CCDC146: variants seen among roughly 807,000 people sequenced by gnomAD.
The protein encoded by CCDC146 is coiled-coil domain containing 146.
Under a neutral mutation model 119.3 loss-of-function variants are expected in CCDC146, and 92 were observed. That is an observed-to-expected ratio of 0.77 (90% CI 0.65 to 0.92). The LOEUF is 0.92. CCDC146 is among the 40% of genes least tolerant of loss of function. The pLI is 0.00. For synonymous variants in CCDC146, 372 were observed against 371.8 expected (o/e 1.00, Z -0.01); for missense variants, 1,000 against 1,103.0 (o/e 0.91, Z 1.32).
intron 9 of CCDC146, among the ~76,000 whole-genome samples, chr7:77,270,412 C>CTA (rs1282060322): frequency 3.3e-5 from 5 of 151,496 alleles, no homozygotes; most frequent in Admixed American, 3.3e-4. Flanking sequence ...ACTATAAAAA[C>CTA]TAAAAGAACT....
In CCDC146 at chr7:77,146,709, A is replaced by C. The variant is rs535894451; in HGVS notation, c.-11-20949A>C. On this transcript the variant is annotated intron_variant, in intron 1 of 18. Coordinates refer to ENST00000285871, the MANE Select transcript of CCDC146 (RefSeq NM_020879.3). ...GATATGAAATTCTGGGTTGAAAATAATTTTCTTTAAGAATGTTGAATATTG... is the reference window on the plus strand; with the variant it reads ...GATATGAAATTCTGGGTTGAAAATACTTTTCTTTAAGAATGTTGAATATTG... Among the ~76,000 whole-genome samples the C allele has an allele frequency of 4.6e-5, 7 of 152,088 alleles. No homozygotes were observed. In the East Asian group the frequency reaches 7.7e-4, roughly 17 times the overall value.
At chr7:77,281,371 A>G (rs567810432) in intron 14 of CCDC146, among the ~76,000 whole-genome samples, 6 of 152,294 alleles carry the variant, frequency 3.9e-5, no homozygotes, top group South Asian at 4.1e-4. Context: ...AGTTAGTAAG[A>G]CCTTTAGGAG....
Position 77,196,697 on chromosome 7 carries a change from C to A in CCDC146, c.156+28873C>A, listed in dbSNP as rs1488461886. ...ACCATTAAAGTCTTCAAGATCTATT[C>A]TCAGAATCATTTCCTTACTCTTGGT... On this transcript the variant is annotated intron_variant, in intron 2 of 18. Coordinates refer to ENST00000285871, the MANE Select transcript of CCDC146 (RefSeq NM_020879.3). This position sits in a 1 kb window ranked among gnomAD's most constrained non-coding sequence, Gnocchi z 4.2. 1.2e-6 allele frequency: 2 copies of A among 1,614,100 alleles called. No homozygotes were observed. The highest frequency in any genetic ancestry group is 1.7e-6 in the Non-Finnish European group (2 of 1,180,022).
intron 1 of CCDC146, among the ~76,000 whole-genome samples, chr7:77,147,588 T>G (rs9768828): frequency 1.2e-4 from 18 of 152,332 alleles, no homozygotes; most frequent in African/African-American, 4.1e-4. Context: ...ATGGGGTTTT[T>G]GTGTGGATGT....
chr7:77,277,422 G>A (rs918176130), intron 11 of CCDC146, among the ~76,000 whole-genome samples: 1 of 152,104 alleles, frequency 6.6e-6, no homozygotes, highest in African/African-American at 2.4e-5. Flanking sequence ...AACCAAAATA[G>A]ACAATTCTTC....
Position 77,258,916 on chromosome 7 carries a change from C to T in CCDC146, c.685-79C>T, listed in dbSNP as rs1180459748. 4.4e-6 allele frequency: 4 copies of T among 913,292 alleles called. No individual in the cohort carries two copies. The Admixed American group carries it at 8.0e-5, about 18-fold the overall frequency. The allele number at this position is 913,292 out of a possible 1,614,324, so 56.6% of individuals were successfully genotyped here. A position where few individuals can be genotyped will look rare whatever the true frequency, so the allele number is the denominator to read the frequency against. ...TATCTACATATTGTAGTTCCTTTCT[C>T]TCTCATATTTAATTTTCTTGTCTTA... On this transcript the variant is annotated intron_variant, in intron 6 of 18. Coordinates refer to ENST00000285871, the MANE Select transcript of CCDC146 (RefSeq NM_020879.3).
intron 1 of CCDC146, among the ~76,000 whole-genome samples, chr7:77,157,469 T>G (rs2539191): frequency 0.52 from 77,962 of 150,592 alleles, 20,366 homozygotes; most frequent in African/African-American, 0.56. Flanking sequence ...GTTTCCTTAA[T>G]AATTCAAAAT....
At chr7:77,278,146 A>G (rs1251359007) in intron 11 of CCDC146, among the ~76,000 whole-genome samples, 1 of 152,156 alleles carries the variant, frequency 6.6e-6, no homozygotes, top group Non-Finnish European at 1.5e-5. Flanking sequence ...ACACTCACCA[A>G]AACTTACTAG....
intron 1 of CCDC146, among the ~76,000 whole-genome samples, chr7:77,139,275 C>T (rs1314526583): frequency 6.6e-6 from 1 of 152,136 alleles, no homozygotes; most frequent in Non-Finnish European, 1.5e-5. Context: ...CTACATACTG[C>T]ATGACTTCAG....
chr7:77,229,675 T>G (rs912346955), intron 2 of CCDC146, among the ~76,000 whole-genome samples: 1 of 152,186 alleles, frequency 6.6e-6, no homozygotes, highest in African/African-American at 2.4e-5. Context: ...GGAAAAAAAT[T>G]TTAAGCATGA....
At chr7:77,204,255 C>A (rs557390825) in intron 2 of CCDC146, among the ~76,000 whole-genome samples, 1 of 152,012 alleles carries the variant, frequency 6.6e-6, no homozygotes, top group African/African-American at 2.4e-5. Flanking sequence ...TTTGAAATAT[C>A]GACAGTAAAT....
Position 77,293,214 on chromosome 7 carries a change from C to G in CCDC146, c.2664+14C>G. Reference sequence around the variant, plus strand: ...GAAAAGTCTCAGGTAGGCTTTGGCTCCTGTATTGCATTTCTAAAGGGTGCC... The same window carrying G: ...GAAAAGTCTCAGGTAGGCTTTGGCTGCTGTATTGCATTTCTAAAGGGTGCC... On this transcript the variant is annotated intron_variant, in intron 18 of 18. Transcript: ENST00000285871. 6.2e-7 allele frequency: 1 copy of G among 1,612,224 alleles called. No homozygotes were observed.
chr7:77,270,278 C>G (rs73375410), intron 9 of CCDC146, among the ~76,000 whole-genome samples: 11,949 of 151,560 alleles, frequency 0.079, 672 homozygotes, highest in African/African-American at 0.17. Flanking sequence ...TTAATAGTGA[C>G]TCCTGGGGAG....
chr7:77,230,275 G>C (rs1305459253), intron 2 of CCDC146, among the ~76,000 whole-genome samples: 1 of 151,994 alleles, frequency 6.6e-6, no homozygotes, highest in Non-Finnish European at 1.5e-5. Context: ...TTTTATATGA[G>C]CATATATCTT....
intron 2 of CCDC146, among the ~76,000 whole-genome samples, chr7:77,212,659 A>G (rs1019335063): frequency 1.8e-4 from 27 of 151,364 alleles, no homozygotes; most frequent in African/African-American, 6.5e-4. Flanking sequence ...AAAAAATCCC[A>G]TTCACAGTGA....
chr7:77,183,285 A>G (rs1791616731), intron 2 of CCDC146, among the ~76,000 whole-genome samples: 1 of 152,000 alleles, frequency 6.6e-6, no homozygotes, highest in East Asian at 1.9e-4. Context: ...AGCAGTCTGC[A>G]GAGTTTTTTC....
At chr7:77,248,337 G>C (rs1185885953) in intron 4 of CCDC146, among the ~76,000 whole-genome samples, 1 of 152,192 alleles carries the variant, frequency 6.6e-6, no homozygotes, top group African/African-American at 2.4e-5. Flanking sequence ...TATATAATTT[G>C]AGTGATGGTT....
chr7:77,246,000 A>C (rs1315585049), intron 4 of CCDC146, among the ~76,000 whole-genome samples: 1 of 152,202 alleles, frequency 6.6e-6, no homozygotes, highest in East Asian at 1.9e-4. Flanking sequence ...GTTTGAAAGG[A>C]AGATCCCATC....
chr7:77,175,734 T>C (rs539867203), intron 2 of CCDC146, among the ~76,000 whole-genome samples: 1 of 151,328 alleles, frequency 6.6e-6, no homozygotes, highest in Non-Finnish European at 1.5e-5. Flanking sequence ...GCATTTACTA[T>C]GTGCCAGGCA....
Sources: gnomAD v4.1 joint callset for allele counts (sites outside exome capture counted in the v4.1 genomes callset) on GRCh38, gnomAD v4.1.1 for gene constraint, Gnocchi (gnomAD v3.1) non-coding constraint, MANE v1.5 for transcripts, NCBI Gene and HGNC (gene_info 2026-07-23, HGNC 2026-07-21) for gene names.